The following RAB28 variants were observed in gnomAD, a reference collection of about 807,000 sequenced individuals.
RAB28 encodes ras-related protein Rab-28.
Under a neutral mutation model 31.7 loss-of-function variants are expected in RAB28, and 24 were observed. That is an observed-to-expected ratio of 0.76 (90% CI 0.55 to 1.06). The LOEUF is 1.06. Among genes scored for constraint, RAB28 ranks in the 50% least tolerant of loss-of-function variants. The probability of loss-of-function intolerance (pLI) is 0.00; values close to 1 mark genes in which losing one functional copy is unlikely to be tolerated. For synonymous variants in RAB28, 100 were observed against 90.4 expected (o/e 1.11, Z -0.60); for missense variants, 254 against 258.5 (o/e 0.98, Z 0.12).
At chr4:13,423,429 C>T (rs376316155) in intron 4 of RAB28, among the ~76,000 whole-genome samples, 37 of 150,322 alleles carry the variant, frequency 2.5e-4, no homozygotes, top group Admixed American at 1.0e-3. Context: ...CCCAGCTACT[C>T]GGGAGGCTGC....
At chr4:13,413,080 G>A (rs1027367494) in intron 4 of RAB28, among the ~76,000 whole-genome samples, 7 of 151,822 alleles carry the variant, frequency 4.6e-5, no homozygotes, top group South Asian at 2.1e-4. Flanking sequence ...TGGTGTCCCC[G>A]AAAAAATAAC....
chr4:13,473,164 G>A (rs1214358666), intron 3 of RAB28, among the ~76,000 whole-genome samples: 3 of 151,830 alleles, frequency 2.0e-5, no homozygotes, highest in East Asian at 1.9e-4. Flanking sequence ...TCAAGGCAAC[G>A]GTATTTGACA....
intron 4 of RAB28, among the ~76,000 whole-genome samples, chr4:13,407,020 A>G (rs1376476519): frequency 6.6e-6 from 1 of 152,138 alleles, no homozygotes; most frequent in Non-Finnish European, 1.5e-5. Context: ...ACATTTGTCA[A>G]TTTTGGCTTT....
At chr4:13,394,746 CCATTG>C (rs987587746) in intron 4 of RAB28, among the ~76,000 whole-genome samples, 2 of 152,016 alleles carry the variant, frequency 1.3e-5, no homozygotes, top group African/African-American at 4.8e-5. Context: ...TAATGGAAAA[CCATTG>C]TAAGGTTGTA....
intron 4 of RAB28, among the ~76,000 whole-genome samples, chr4:13,422,606 T>C (rs969562265): frequency 6.6e-5 from 10 of 152,120 alleles, no homozygotes; most frequent in South Asian, 4.1e-4. Flanking sequence ...TGCAGGGACA[T>C]GGACGAAGCT....
intron 3 of RAB28, among the ~76,000 whole-genome samples, chr4:13,466,036 G>T (rs140173706): frequency 6.6e-6 from 1 of 151,760 alleles, no homozygotes; most frequent in African/African-American, 2.4e-5. Context: ...AACAAAATTG[G>T]ACCCTTATCT....
At chr4:13,441,700 C>T (rs1447388255) in intron 4 of RAB28, among the ~76,000 whole-genome samples, 1 of 152,174 alleles carries the variant, frequency 6.6e-6, no homozygotes, top group Non-Finnish European at 1.5e-5. Context: ...TGAATGAAGA[C>T]ATTCAATGTA....
intron 4 of RAB28, among the ~76,000 whole-genome samples, chr4:13,443,508 C>G (rs1714528121): frequency 6.6e-6 from 1 of 152,142 alleles, no homozygotes; most frequent in Non-Finnish European, 1.5e-5. Flanking sequence ...GCTACTAAAT[C>G]ATAAGCACTA....
chr4:13,467,558 C>T (rs1715919681), intron 3 of RAB28, among the ~76,000 whole-genome samples: 1 of 151,808 alleles, frequency 6.6e-6, no homozygotes, highest in East Asian at 1.9e-4. Context: ...GGGACTTGCA[C>T]TACACATGAA....
chr4:13,378,082 G>C (rs1370119298), intron 5 of RAB28, among the ~76,000 whole-genome samples: 1 of 152,132 alleles, frequency 6.6e-6, no homozygotes, highest in Non-Finnish European at 1.5e-5. Flanking sequence ...ACAGTTCAGG[G>C]GAAAAGTCTG....
chr4:13,383,627 C>T (rs1382911967), intron 4 of RAB28, among the ~76,000 whole-genome samples: 1 of 152,162 alleles, frequency 6.6e-6, no homozygotes, highest in Non-Finnish European at 1.5e-5. Flanking sequence ...GGAAATGTAG[C>T]TCCCATAATC....
chr4:13,419,494 T>G (rs894765448), intron 4 of RAB28, among the ~76,000 whole-genome samples: 1 of 152,208 alleles, frequency 6.6e-6, no homozygotes, highest in Admixed American at 6.5e-5. Flanking sequence ...GACTACATAG[T>G]TGGAAGTAAA....
intron 4 of RAB28, among the ~76,000 whole-genome samples, chr4:13,392,434 C>G (rs897027430): frequency 3.9e-5 from 6 of 152,104 alleles, no homozygotes; most frequent in Non-Finnish European, 7.4e-5. Context: ...AAGAATTTGT[C>G]CCATACAAGA....
At chr4:13,400,397 G>T (rs55745172) in intron 4 of RAB28, among the ~76,000 whole-genome samples, 11,732 of 152,120 alleles carry the variant, frequency 0.077, 821 homozygotes, top group African/African-American at 0.19. Flanking sequence ...TTATGCTGAA[G>T]GGATAAATCA....
intron 4 of RAB28, among the ~76,000 whole-genome samples, chr4:13,423,491 A>C (rs551203059): frequency 2.4e-4 from 34 of 144,034 alleles, no homozygotes; most frequent in African/African-American, 2.5e-4. Flanking sequence ...CTCGGGGGGG[A>C]AAAAAAAAGG....
At chr4:13,377,315 T>A (rs917445024) in intron 5 of RAB28, among the ~76,000 whole-genome samples, 1 of 152,234 alleles carries the variant, frequency 6.6e-6, no homozygotes, top group Admixed American at 6.5e-5. Context: ...TAACTTATCT[T>A]TTCTTCATAA....
chr4:13,423,799 T>A (rs1713317320), intron 4 of RAB28, among the ~76,000 whole-genome samples: 1 of 152,202 alleles, frequency 6.6e-6, no homozygotes, highest in South Asian at 2.1e-4. Context: ...ATGTTTGATA[T>A]TTTTAATAGG....
chr4:13,411,511 A>C (rs1712439365), intron 4 of RAB28, among the ~76,000 whole-genome samples: 1 of 152,188 alleles, frequency 6.6e-6, no homozygotes, highest in South Asian at 2.1e-4. Context: ...TATGAAGTAG[A>C]AGGTAAAAAT....
chr4:13,430,431 T>C (rs555135573), intron 4 of RAB28, among the ~76,000 whole-genome samples: 182 of 152,006 alleles, frequency 1.2e-3, no homozygotes, highest in African/African-American at 4.3e-3. Flanking sequence ...AAAGGGTAGG[T>C]GGGGGTGCTT....
Sources: gnomAD v4.1 joint callset for allele counts (sites outside exome capture counted in the v4.1 genomes callset) on GRCh38, gnomAD v4.1.1 for gene constraint, MANE v1.5 for transcripts, NCBI Gene and HGNC (gene_info 2026-07-23, HGNC 2026-07-21) for gene names.